Variants in CDH23 observed in about 807,000 individuals in gnomAD.
CDH23 encodes the protein cadherin-23.
CDH23 carries 189 observed loss-of-function variants against 317.1 expected under a neutral mutation model. That is an observed-to-expected ratio of 0.60 (90% confidence interval 0.53 to 0.67). The LOEUF is 0.67. CDH23 is among the 30% of genes least tolerant of loss of function. CDH23 has a pLI of 0.00. For synonymous variants in CDH23, 1,839 were observed against 1,876.8 expected, an observed-to-expected ratio of 0.98 and a Z score of 0.52; for missense variants, 4,401 against 4,592.4, an observed-to-expected ratio of 0.96 and a Z score of 1.20.
intron 8 of CDH23, 73 bp from the exon 9 acceptor site, chr10:71,577,841 G>C: frequency 1.5e-6 from 2 of 1,295,658 alleles, no homozygotes; most frequent in South Asian, 2.5e-5. Flanking sequence ...GGAAGCTGTG[G>C]GTGCCATGAT....
intron 14 of CDH23, among the ~76,000 whole-genome samples, chr10:71,673,334 C>T (rs1445415967): frequency 6.6e-6 from 1 of 152,234 alleles, no homozygotes; most frequent in South Asian, 2.1e-4. Flanking sequence ...ACAGTGACCC[C>T]TCGCCAAGGG....
intron 6 of CDH23, among the ~76,000 whole-genome samples, chr10:71,542,729 A>C (rs1312888079): frequency 1.3e-5 from 2 of 152,224 alleles, no homozygotes; most frequent in African/African-American, 4.8e-5. Context: ...TGGTGCCCTG[A>C]GGGAGAGAAG....
At chr10:71,527,813 G>T (rs1855126826) in intron 6 of CDH23, among the ~76,000 whole-genome samples, 1 of 152,196 alleles carries the variant, frequency 6.6e-6, no homozygotes, top group African/African-American at 2.4e-5. Context: ...AAGCACTTAG[G>T]AACAGGACTT....
chr10:71,708,965 A>G (rs894261871), intron 26 of CDH23, 133 bp from the exon 27 acceptor site: 2 of 791,288 alleles, frequency 2.5e-6, no homozygotes, highest in Non-Finnish European at 4.3e-6. Context: ...CACCTCAGGC[A>G]GGGCCGAATC....
chr10:71,523,059 G>T (rs1854793724), intron 6 of CDH23, among the ~76,000 whole-genome samples: 1 of 152,156 alleles, frequency 6.6e-6, no homozygotes, highest in African/African-American at 2.4e-5. Flanking sequence ...AGGGTTTGGG[G>T]TTTTACTGCC....
chr10:71,492,928 C>T (rs1180325895), intron 3 of CDH23, among the ~76,000 whole-genome samples: 1 of 152,192 alleles, frequency 6.6e-6, no homozygotes, highest in Non-Finnish European at 1.5e-5. Context: ...TAGGCAGCAA[C>T]AAGGCCAAAG....
chr10:71,702,560 C>T lies in CDH23; in HGVS notation c.2599C>T (p.Pro867Ser). The T allele has an allele frequency of 1.2e-6, 2 of 1,613,962 alleles. No individual in the cohort carries two copies. The highest frequency in any genetic ancestry group is 2.2e-5 in the East Asian group (1 of 44,880). The change falls in exon 24 of 70, where the codon CCT becomes TCT. Residue 867 changes from proline (P) to serine (S), a missense_variant. Around this residue, in one of 3 missense-constraint regions of CDH23, gnomAD observed 3,068 missense variants for 3,203.3 expected, o/e 0.96. Transcript: ENST00000224721. The stretch of plus-strand genomic sequence containing the variant: ...CCTGGTCTTCCCAGGTGGCAGGCCC[C>T]CTCTGAAAGCCACCAGCAGTGCCAC... The part of the protein sequence containing the change: ...VVSVTDCGRP[P>S]LKATSSATVF...
At chr10:71,800,445 CATCCCCAGGT>C (rs1001370844) in intron 52 of CDH23, among the ~76,000 whole-genome samples, 181 bp from the exon 53 acceptor site, 3 of 152,144 alleles carry the variant, frequency 2.0e-5, no homozygotes, top group African/African-American at 7.2e-5. Context: ...CTGGTCACCC[CATCCCCAGGT>C]AGGTTGGGGT....
At chr10:71,712,863 G>A (rs776650486) in intron 28 of CDH23, 50 bp downstream of exon 28, 18 of 1,585,578 alleles carry the variant, frequency 1.1e-5, no homozygotes, top group Non-Finnish European at 1.5e-5. Context: ...GGGAGGCGGA[G>A]CCACACACGG....
At chr10:71,455,951 C>T (rs1230236974) in intron 3 of CDH23, among the ~76,000 whole-genome samples, 2 of 152,128 alleles carry the variant, frequency 1.3e-5, no homozygotes, top group African/African-American at 4.8e-5. Flanking sequence ...GCCCTGACTT[C>T]GCACACCAGC....
chr10:71,608,713 G>T (rs766821981), intron 9 of CDH23, among the ~76,000 whole-genome samples: 1 of 152,176 alleles, frequency 6.6e-6, no homozygotes, highest in Non-Finnish European at 1.5e-5. Context: ...TTAAAGAAGC[G>T]CACTGCACAG....
At chr10:71,515,761 G>A (rs1854302452) in intron 6 of CDH23, among the ~76,000 whole-genome samples, 1 of 152,208 alleles carries the variant, frequency 6.6e-6, no homozygotes, top group Admixed American at 6.5e-5. Flanking sequence ...AAAGTCCTTA[G>A]CACAGCCTGT....
At chr10:71,637,378 C>T (rs1176218243) in intron 11 of CDH23, among the ~76,000 whole-genome samples, 1 of 152,122 alleles carries the variant, frequency 6.6e-6, no homozygotes, top group Non-Finnish European at 1.5e-5. Flanking sequence ...ACCCCCACTA[C>T]TCCTAGAACA....
intron 9 of CDH23, among the ~76,000 whole-genome samples, chr10:71,578,434 T>G (rs1365747526): frequency 6.6e-6 from 1 of 152,172 alleles, no homozygotes; most frequent in Non-Finnish European, 1.5e-5. Flanking sequence ...CAACTACAGC[T>G]GATTTCATGT....
intron 6 of CDH23, among the ~76,000 whole-genome samples, chr10:71,517,662 C>G (rs1347916606): frequency 1.3e-5 from 2 of 152,232 alleles, no homozygotes; most frequent in Non-Finnish European, 1.5e-5. Context: ...GGAGAGGCAG[C>G]CCCTTGACAG....
At chr10:71,456,050 T>G (rs1850679990) in intron 3 of CDH23, among the ~76,000 whole-genome samples, 1 of 151,928 alleles carries the variant, frequency 6.6e-6, no homozygotes, top group Non-Finnish European at 1.5e-5. Flanking sequence ...GTTGGTGGGC[T>G]GTGAGCTCGG....
chr10:71,583,682 G>T (rs1048580319), intron 9 of CDH23, among the ~76,000 whole-genome samples: 1 of 152,212 alleles, frequency 6.6e-6, no homozygotes, highest in Non-Finnish European at 1.5e-5. Context: ...CCCATCTGCT[G>T]TCGTCCGCAG....
rs1421110138 is a variant in CDH23 at position 71,646,478 on chromosome 10, T to G, written c.1310T>G (p.Val437Gly). ...CCCCAGCTCTTTGCCAATGAGAGTGTGCCTGACCATGTGGGCTATGCCAAG... is the reference window on the plus strand; with the variant it reads ...CCCCAGCTCTTTGCCAATGAGAGTGGGCCTGACCATGTGGGCTATGCCAAG... Reference protein sequence around the residue: ...YDFDLFANESVPDHVGYAKVK... With the variant: ...YDFDLFANESGPDHVGYAKVK... The change falls in exon 14 of 70, where the codon GTG becomes GGG. Residue 437 changes from valine to glycine, a missense_variant. Physicochemically the swap from Val to Gly is moderately radical, Grantham distance 109. Around this residue, in one of 3 missense-constraint regions of CDH23, gnomAD observed 3,068 missense variants for 3,203.3 expected, o/e 0.96. Transcript: ENST00000224721. The G allele has an allele frequency of 6.2e-7, 1 of 1,613,840 alleles. No individual in the cohort carries two copies. The highest frequency in any genetic ancestry group is 2.2e-5 in the East Asian group (1 of 44,850).
intron 38 of CDH23, among the ~76,000 whole-genome samples, chr10:71,764,766 T>C (rs920456530): frequency 1.3e-5 from 2 of 152,188 alleles, no homozygotes. Flanking sequence ...TGTGGCTTCT[T>C]GGGCTAGCTG....
Sources: gnomAD v4.1 joint callset for allele counts (sites outside exome capture counted in the v4.1 genomes callset) on GRCh38, gnomAD v4.1.1 for gene constraint, gnomAD v4.1.1 regional missense constraint, MANE v1.5 for transcripts, NCBI Gene and HGNC (gene_info 2026-07-23, HGNC 2026-07-21) for gene names.